The following JARID2 variants were observed in gnomAD, a reference collection of about 807,000 sequenced individuals.
JARID2 encodes the protein jumonji and AT-rich interaction domain containing 2, also known as protein Jumonji.
Under a neutral mutation model 125.6 loss-of-function variants are expected in JARID2, and 21 were observed. That is an observed-to-expected ratio of 0.17 (90% CI 0.12 to 0.24). The LOEUF (loss-of-function observed/expected upper bound fraction) is 0.24, where lower values mean the gene tolerates loss of function less well. JARID2 is among the 10% of genes least tolerant of loss of function. The probability of loss-of-function intolerance (pLI) is 1.00; values close to 1 mark genes in which losing one functional copy is unlikely to be tolerated. For missense variants in JARID2, 1,303 were observed against 1,639.6 expected, an observed-to-expected ratio of 0.79 and a Z score of 3.55; for synonymous variants, 736 against 661.6, an observed-to-expected ratio of 1.11 and a Z score of -1.73.
In JARID2 at chr6:15,374,207, A is replaced by G; in HGVS notation, c.136A>G (p.Arg46Gly). The change falls in exon 2 of 18, where the codon AGG (arginine) becomes GGG (glycine). Residue 46 changes from arginine (R) to glycine (G), a missense_variant. Around this residue, in one of 11 missense-constraint regions of JARID2, gnomAD observed 93 missense variants for 120.4 expected, o/e 0.77. Transcript: ENST00000341776. ...GAAGGAGTTCAAGAATTCCCAGAAG[A>G]GGCAGCATGCGGAAGGCATTGCTGG... ...SLKEFKNSQK[R>G]QHAEGIAGSL... is the part of the protein sequence containing the mutation. 1 of 1,614,156 alleles carries G rather than the reference A, an allele frequency of 6.2e-7. No individual in the cohort carries two copies. Among genetic ancestry groups the G allele is most frequent in the Non-Finnish European group, 8.5e-7 (1 of 1,179,996 alleles).
intron 1 of JARID2, among the ~76,000 whole-genome samples, chr6:15,300,698 T>C (rs1302211980): frequency 7.3e-6 from 1 of 137,154 alleles, no homozygotes; most frequent in Admixed American, 7.2e-5. Flanking sequence ...TGTGTGTGTG[T>C]GTGTGTGTGT....
At chr6:15,497,587 CT>C (rs1201085823) in intron 7 of JARID2, among the ~76,000 whole-genome samples, 1 of 148,156 alleles carries the variant, frequency 6.7e-6, no homozygotes, top group East Asian at 2.0e-4. Context: ...GGAGGCGGAG[CT>C]TGCAGTGAGC....
rs186228651 is a variant in JARID2 at position 15,355,981 on chromosome 6, C to G, written c.46-18136C>G. On this transcript the variant is annotated intron_variant, in intron 1 of 17. Transcript: ENST00000341776. ...CCGATATCCATTAGCAGTAGTCCCC[C>G]CTCCTTTCCCAGCAACCTCTGGCAG... is the stretch of plus-strand genomic sequence containing the variant. Among the ~76,000 whole-genome samples the G allele has an allele frequency of 2.6e-3, 399 of 152,300 alleles. 8 individuals carry two copies. The highest frequency in any genetic ancestry group is 0.024 in the Admixed American group (368 of 15,294).
intron 11 of JARID2, 41 bp from the exon 12 acceptor site, chr6:15,508,299 C>T (rs760737140): frequency 1.0e-6 from 1 of 982,844 alleles, no homozygotes; most frequent in South Asian, 1.3e-5. Flanking sequence ...GACCTTGTTG[C>T]CTAGCTTTTA....
chr6:15,351,995 C>T (rs980084017), intron 1 of JARID2, among the ~76,000 whole-genome samples: 59 of 152,056 alleles, frequency 3.9e-4, no homozygotes, highest in African/African-American at 1.1e-3. Flanking sequence ...ATCACTGCGC[C>T]GAATCTGAGG....
At chr6:15,310,634 A>G (rs1257104215) in intron 1 of JARID2, among the ~76,000 whole-genome samples, 2 of 152,212 alleles carry the variant, frequency 1.3e-5, no homozygotes. Context: ...ATGCCCTTCT[A>G]CATAAGCATC....
intron 5 of JARID2, among the ~76,000 whole-genome samples, chr6:15,472,668 G>A (rs1475470936): frequency 2.6e-5 from 4 of 152,282 alleles, no homozygotes; most frequent in Admixed American, 2.6e-4. Flanking sequence ...GAAGTTTGGT[G>A]GGGGGATTGT....
At chr6:15,515,227 G>A (rs951668088) in intron 16 of JARID2, among the ~76,000 whole-genome samples, 1 of 151,724 alleles carries the variant, frequency 6.6e-6, no homozygotes, top group Admixed American at 6.6e-5. Context: ...TTGTGGTAGA[G>A]ATGGGGTTTT....
intron 5 of JARID2, among the ~76,000 whole-genome samples, chr6:15,473,939 G>T (rs889523631): frequency 2.0e-5 from 3 of 152,200 alleles, no homozygotes; most frequent in Non-Finnish European, 4.4e-5. Flanking sequence ...TGGTGGTTTC[G>T]TGAAACCAAA....
intron 2 of JARID2, among the ~76,000 whole-genome samples, chr6:15,406,237 C>T (rs1235845054): frequency 1.3e-5 from 2 of 152,118 alleles, no homozygotes; most frequent in African/African-American, 4.8e-5. Flanking sequence ...AGATCAAGAC[C>T]GTACTGGCCA....
intron 1 of JARID2, among the ~76,000 whole-genome samples, chr6:15,334,562 C>A (rs184817518): frequency 2.0e-5 from 3 of 152,316 alleles, no homozygotes; most frequent in Admixed American, 6.5e-5. Context: ...TTTGCATACT[C>A]CTTTTACCAT....
chr6:15,482,200 A>G (rs748016820), intron 5 of JARID2, among the ~76,000 whole-genome samples: 1 of 152,242 alleles, frequency 6.6e-6, no homozygotes, highest in African/African-American at 2.4e-5. Flanking sequence ...GACTCCTGTC[A>G]GTTTTTATGT....
intron 1 of JARID2, among the ~76,000 whole-genome samples, chr6:15,310,969 G>A (rs1761989244): frequency 6.6e-6 from 1 of 152,074 alleles, no homozygotes; most frequent in Non-Finnish European, 1.5e-5. Flanking sequence ...TCCCTGTGTG[G>A]GAATGGGAAC....
intron 3 of JARID2, among the ~76,000 whole-genome samples, chr6:15,423,161 G>A (rs1026373154): frequency 3.3e-5 from 5 of 151,978 alleles, no homozygotes; most frequent in South Asian, 2.1e-4. Flanking sequence ...ACCACGTCCA[G>A]CTAATTATTT....
intron 3 of JARID2, among the ~76,000 whole-genome samples, chr6:15,446,908 G>C (rs1269611719): frequency 6.6e-6 from 1 of 152,154 alleles, no homozygotes; most frequent in Admixed American, 6.5e-5. Context: ...AGGTTCGTCT[G>C]CTGCTCCTAT....
chr6:15,437,283 A>T (rs1025126672), intron 3 of JARID2, among the ~76,000 whole-genome samples: 2 of 152,178 alleles, frequency 1.3e-5, no homozygotes, highest in African/African-American at 2.4e-5. Flanking sequence ...GTCGCACTTC[A>T]TGAAACCTAA....
rs1767204618 is a variant in JARID2 at position 15,436,400 on chromosome 6, A to G, written c.324-15606A>G. On this transcript the variant is annotated intron_variant, in intron 3 of 17. Coordinates refer to ENST00000341776, the MANE Select transcript of JARID2 (RefSeq NM_004973.4). ...TTCTGCGGCCGTGCTCTCCACAACC[A>G]GCCGCTTGTGTCGTCTTCCGCTGAT... Among the ~76,000 whole-genome samples the G allele has an allele frequency of 1.3e-5, 2 of 152,162 alleles. 1 individual carries two copies. Among genetic ancestry groups the G allele is most frequent in the Admixed American group, 1.3e-4 (2 of 15,284 alleles).
intron 17 of JARID2, among the ~76,000 whole-genome samples, chr6:15,517,476 G>A (rs1771619346): frequency 6.6e-6 from 1 of 152,194 alleles, no homozygotes; most frequent in Non-Finnish European, 1.5e-5. Flanking sequence ...CGGGCATTTG[G>A]ATTTGAGCAA....
intron 1 of JARID2, among the ~76,000 whole-genome samples, chr6:15,297,956 C>G (rs931343865): frequency 6.6e-6 from 1 of 151,716 alleles, no homozygotes; most frequent in African/African-American, 2.4e-5. Flanking sequence ...ATTCTTAATG[C>G]CCTCTTATAT....
Sources: gnomAD v4.1 joint callset for allele counts (sites outside exome capture counted in the v4.1 genomes callset) on GRCh38, gnomAD v4.1.1 for gene constraint, gnomAD v4.1.1 regional missense constraint, MANE v1.5 for transcripts, NCBI Gene and HGNC (gene_info 2026-07-23, HGNC 2026-07-21) for gene names.